The following VIM variants were observed in gnomAD, a reference collection of about 807,000 sequenced individuals.
The protein encoded by VIM is epididymis secretory sperm binding protein.
A neutral mutation model predicts 50.3 loss-of-function variants in VIM; 18 were observed. The ratio of observed to expected loss-of-function variants is 0.36; its 90% CI spans 0.25 to 0.53. The LOEUF is 0.53. Ranked by LOEUF, VIM falls within the 20% of genes least tolerant of loss-of-function variation. The probability of loss-of-function intolerance (pLI) is 0.91; values close to 1 mark genes in which losing one functional copy is unlikely to be tolerated. For missense variants in VIM, 551 were observed against 614.7 expected, an observed-to-expected ratio of 0.90 and a Z score of 1.10; for synonymous variants, 245 against 248.5, an observed-to-expected ratio of 0.99 and a Z score of 0.13.
intron 5 of VIM, among the ~76,000 whole-genome samples, chr10:17,234,386 A>T (rs1203838587): frequency 2.6e-5 from 4 of 152,130 alleles, no homozygotes; most frequent in Non-Finnish European, 4.4e-5. Flanking sequence ...AAATGTTGGG[A>T]TTACAGGCAT....
intron 2 of VIM, chr10:17,230,444 C>T: frequency 1.2e-5 from 8 of 679,732 alleles, no homozygotes; most frequent in South Asian, 4.8e-5. Flanking sequence ...TAGGTCTGTG[C>T]GGCCACCGTG....
intron 3 of VIM, chr10:17,233,176 G>C (rs1846826457): frequency 3.7e-6 from 1 of 273,924 alleles, no homozygotes; most frequent in African/African-American, 2.3e-5. Flanking sequence ...TCGAACTCCT[G>C]ACCTCAAGTG....
In VIM at chr10:17,229,890, G is replaced by C. The variant is rs1846752790; in HGVS notation, c.468G>C (p.Glu156Asp). 1.2e-6 allele frequency: 2 copies of C among 1,611,876 alleles called. No homozygotes were observed. The highest frequency in any genetic ancestry group is 1.7e-6 in the Non-Finnish European group (2 of 1,179,336). The change falls in exon 2 of 10, where the codon GAG becomes GAC. Residue 156 changes from glutamate to aspartate, a missense_variant. By Grantham distance (45) the Glu-to-Asp change is conservative. Coordinates refer to ENST00000544301, the MANE Select transcript of VIM (RefSeq NM_003380.5). ...LGDLYEEEMR[E>D]LRRQVDQLTN... ...ACCTCTACGAGGAGGAGATGCGGGA[G>C]CTGCGCCGGCAGGTGGACCAGCTAA...
At chr10:17,234,120 T>C in intron 5 of VIM, 189 bp downstream of exon 5, 1 of 660,150 alleles carries the variant, frequency 1.5e-6, no homozygotes, top group Non-Finnish European at 2.5e-6. Flanking sequence ...TTATTTATTT[T>C]CTTATTTATT....
chr10:17,233,596 A>T lies in VIM; in HGVS notation c.634A>T (p.Asn212Tyr). ...TLQSFRQDVD[N>Y]ASLARLDLER... The stretch of plus-strand genomic sequence containing the variant: ...TCTCTGTTCAAAATAGGATGTTGAC[A>T]ATGCGTCTCTGGCACGTCTTGACCT... The change falls in exon 4 of 10, where the codon AAT becomes TAT. Residue 212 changes from asparagine (N) to tyrosine (Y), a missense_variant. By Grantham distance (143) the Asn-to-Tyr change is moderately radical. This residue lies in a region of VIM where 394 missense variants were observed against 437.5 expected (regional missense o/e 0.90). Coordinates refer to ENST00000544301, the MANE Select transcript of VIM (RefSeq NM_003380.5). 1.2e-6 allele frequency: 2 copies of T among 1,614,224 alleles called. No homozygotes were observed. Among genetic ancestry groups the T allele is most frequent in the Non-Finnish European group, 1.7e-6 (2 of 1,180,040 alleles).
At chr10:17,230,172 G>A in intron 2 of VIM, 187 bp downstream of exon 2, 1 of 704,184 alleles carries the variant, frequency 1.4e-6, no homozygotes, top group Non-Finnish European at 2.3e-6. Context: ...CCCAGACCTT[G>A]CAGTTCGCAT....
chr10:17,231,773 GTT>G (rs11349733), intron 3 of VIM, among the ~76,000 whole-genome samples: 5,198 of 141,626 alleles, frequency 0.037, 94 homozygotes, highest in Non-Finnish European at 0.045. Flanking sequence ...TTTTGTGCGT[GTT>G]TTTTTTTTTT....
chr10:17,230,569 C>G, intron 2 of VIM, 81 bp from the exon 3 acceptor site: 1 of 1,482,314 alleles, frequency 6.7e-7, no homozygotes, highest in Non-Finnish European at 9.4e-7. Context: ...AGGCGCAGAG[C>G]GAATACGTGG....
chr10:17,235,721 T>C, intron 7 of VIM, 125 bp from the exon 8 acceptor site: 1 of 939,616 alleles, frequency 1.1e-6, no homozygotes, highest in Admixed American at 2.0e-5. Flanking sequence ...CTGAGACAAA[T>C]CTCTAGTTTA....
In VIM at chr10:17,236,347, C is replaced by G. The variant is rs1424831707; in HGVS notation, c.1327C>G (p.Leu443Val). 4 of 1,613,758 alleles carry G rather than the reference C, an allele frequency of 2.5e-6. No homozygotes were observed. In the African/African-American group the frequency reaches 5.3e-5, roughly 22 times the overall value. Residue 443 changes from leucine (L) to valine (V), a missense_variant, in exon 9 of 10, where the codon CTG (leucine) becomes GTG (valine). Transcript: ENST00000544301. ...LVDTHSKRTL[L>V]IKTVETRDGQ... ...TGATACCCACTCAAAAAGGACACTT[C>G]TGATTAAGACGGTTGAAACTAGAGA...
In VIM at chr10:17,234,782, G is replaced by T. The variant is rs772347590; in HGVS notation, c.972G>T (p.Gln324His). ...CCACTGAGTACCGGAGACAGGTGCA[G>T]TCCCTCACCTGTGAAGTGGATGCCC... The part of the protein sequence containing the change: ...QESTEYRRQV[Q>H]SLTCEVDALK... Residue 324 changes from glutamine to histidine, a missense_variant, in exon 6 of 10, where the codon CAG becomes CAT. By Grantham distance (24) the Gln-to-His change is conservative. Around this residue, in one of 3 missense-constraint regions of VIM, gnomAD observed 394 missense variants for 437.5 expected, o/e 0.90. Coordinates refer to ENST00000544301, the MANE Select transcript of VIM (RefSeq NM_003380.5). 6 of 1,614,060 alleles carry T rather than the reference G, an allele frequency of 3.7e-6. No homozygotes were observed. The highest frequency in any genetic ancestry group is 1.6e-4 in the Middle Eastern group (1 of 6,084).
intron 3 of VIM, among the ~76,000 whole-genome samples, chr10:17,232,587 C>T (rs979376525): frequency 6.6e-6 from 1 of 152,116 alleles, no homozygotes; most frequent in African/African-American, 2.4e-5. Context: ...AAGAAAAATC[C>T]ACCAGAGAAA....
At position 17,235,831 on chromosome 10, in the gene VIM, T is replaced by C. The variant is rs764787187; in HGVS notation, c.1230-15T>C. The stretch of plus-strand genomic sequence containing the variant: ...TTTGCCAACAATTTTACTGTTTCTC[T>C]TCATCTGTTTATAGGATTTCTCTGC... On this transcript the variant is annotated splice_polypyrimidine_tract_variant and intron_variant, in intron 7 of 9. Transcript: ENST00000544301. 1.2e-6 allele frequency: 2 copies of C among 1,613,286 alleles called. No homozygotes were observed. The highest frequency in any genetic ancestry group is 4.5e-5 in the East Asian group (2 of 44,878).
intron 9 of VIM, among the ~76,000 whole-genome samples, chr10:17,236,790 C>T (rs1325686646): frequency 6.6e-6 from 1 of 152,184 alleles, no homozygotes; most frequent in East Asian, 1.9e-4. Context: ...ATAATACAAG[C>T]ATGTGCCATA....
rs1400893821 is a variant in VIM at position 17,228,267 on chromosome 10, A to C, written c.-405A>C. 1 of 152,180 alleles carries C rather than the reference A, an allele frequency of 6.6e-6. No homozygotes were observed. The highest frequency in any genetic ancestry group is 1.5e-5 in the Non-Finnish European group (1 of 68,032). 9.4% of individuals were successfully genotyped at this position (152,180 alleles called of 1,614,324 possible). A position where few individuals can be genotyped will look rare whatever the true frequency, so the allele number is the denominator to read the frequency against. On this transcript the variant is annotated 5_prime_UTR_variant, in exon 1 of 10. Coordinates refer to ENST00000544301, the MANE Select transcript of VIM (RefSeq NM_003380.5). ...GGAGGCCCACGTATGGCGCCTCTCCAAAGGCTGCAGAAGTTTCTTGCTAAC... is the reference window on the plus strand; with the variant it reads ...GGAGGCCCACGTATGGCGCCTCTCCCAAGGCTGCAGAAGTTTCTTGCTAAC...
At chr10:17,235,565 A>G in intron 7 of VIM, 176 bp downstream of exon 7, 3 of 785,480 alleles carry the variant, frequency 3.8e-6, no homozygotes, top group Non-Finnish European at 6.2e-6. Context: ...TTGCTGAAAA[A>G]GGGTTAATCA....
intron 3 of VIM, among the ~76,000 whole-genome samples, chr10:17,231,802 G>A (rs1449212320): frequency 6.7e-5 from 10 of 148,904 alleles, no homozygotes; most frequent in African/African-American, 2.0e-4. Context: ...AAAATTAGAT[G>A]GACTTACAGA....
At chr10:17,230,096 G>A in intron 2 of VIM, 111 bp downstream of exon 2, 4 of 1,338,092 alleles carry the variant, frequency 3.0e-6, no homozygotes, top group East Asian at 2.5e-5. Context: ...TGTGGCCGGG[G>A]GGAGGCCTGC....
At position 17,234,832 on chromosome 10, in the gene VIM, C is replaced by G. The variant is rs113358459; in HGVS notation, c.1008+14C>G. On this transcript the variant is annotated intron_variant, in intron 6 of 9. Coordinates refer to ENST00000544301, the MANE Select transcript of VIM (RefSeq NM_003380.5). ...CTTAAAGGAACCGTGAGTACCAACC[C>G]TGCAGTAAAAGAGGGAAAATAATGA... The G allele has an allele frequency of 2.0e-5, 32 of 1,614,048 alleles. No homozygotes were observed. The highest frequency in any genetic ancestry group is 1.6e-4 in the Middle Eastern group (1 of 6,062).
Sources: gnomAD v4.1 joint callset for allele counts (sites outside exome capture counted in the v4.1 genomes callset) on GRCh38, gnomAD v4.1.1 for gene constraint, gnomAD v4.1.1 regional missense constraint, MANE v1.5 for transcripts, NCBI Gene and HGNC (gene_info 2026-07-23, HGNC 2026-07-21) for gene names.